Variants in SDK1 observed in about 807,000 individuals in gnomAD.
SDK1 encodes sidekick cell adhesion molecule 1.
In SDK1, 157 loss-of-function variants were observed where a neutral mutation model predicts 245.5. The ratio of observed to expected loss-of-function variants is 0.64; its 90% CI spans 0.56 to 0.73. The LOEUF (loss-of-function observed/expected upper bound fraction) is 0.73, where lower values mean the gene tolerates loss of function less well. Ranked by LOEUF, SDK1 falls within the 30% of genes least tolerant of loss-of-function variation. The pLI is 0.00. For missense variants in SDK1, 3,583 were observed against 3,002.3 expected, an observed-to-expected ratio of 1.19 and a Z score of -4.52; for synonymous variants, 1,647 against 1,278.5, an observed-to-expected ratio of 1.29 and a Z score of -6.15.
chr7:3,444,772 A>T (rs1448207516), intron 1 of SDK1, among the ~76,000 whole-genome samples: 1 of 152,198 alleles, frequency 6.6e-6, no homozygotes, highest in African/African-American at 2.4e-5. Flanking sequence ...AGTTTTATCT[A>T]AAGTGATGTT....
intron 1 of SDK1, among the ~76,000 whole-genome samples, chr7:3,532,615 G>A (rs1372916933): frequency 1.3e-5 from 2 of 152,156 alleles, no homozygotes; most frequent in East Asian, 1.9e-4. Flanking sequence ...TAACTGTCAT[G>A]TTAACTCCAG....
rs886319432 is a variant in SDK1, at chr7:3,841,725, G to C, written c.847+20142G>C. ...TTATAGGTGCCCGCCACCATGCCTG[G>C]CTAATTTTTGTATTCTTAATAGAGA... On this transcript the variant is annotated intron_variant, in intron 5 of 44. Transcript: ENST00000404826. Among the ~76,000 whole-genome samples, 8 of 151,966 alleles carry C rather than the reference G, an allele frequency of 5.3e-5. 1 individual carries two copies. The highest frequency in any genetic ancestry group is 5.2e-4 in the Admixed American group (8 of 15,252).
At chr7:3,754,081 G>A (rs956209929) in intron 4 of SDK1, among the ~76,000 whole-genome samples, 7 of 152,194 alleles carry the variant, frequency 4.6e-5, no homozygotes, top group Non-Finnish European at 8.8e-5. Flanking sequence ...TGTAAAAGAT[G>A]TTTTAGATTA....
intron 22 of SDK1, among the ~76,000 whole-genome samples, chr7:4,087,108 G>A (rs1048533963): frequency 1.3e-5 from 2 of 151,782 alleles, no homozygotes; most frequent in African/African-American, 4.8e-5. Context: ...AGGCAGAAAG[G>A]TTTTCCCCAC....
intron 1 of SDK1, among the ~76,000 whole-genome samples, chr7:3,571,008 C>T (rs920718298): frequency 2.5e-4 from 38 of 152,028 alleles, no homozygotes; most frequent in African/African-American, 8.9e-4. Flanking sequence ...TACATTTTCT[C>T]ACAGAGCTAA....
chr7:3,799,728 C>G (rs559924731), intron 4 of SDK1, among the ~76,000 whole-genome samples: 6 of 150,608 alleles, frequency 4.0e-5, no homozygotes, highest in East Asian at 3.9e-4. Flanking sequence ...AAAAAATGAC[C>G]TCGTTTATCC....
chr7:3,376,619 C>G (rs1562449496), intron 1 of SDK1, among the ~76,000 whole-genome samples: 1 of 152,154 alleles, frequency 6.6e-6, no homozygotes, highest in Admixed American at 6.5e-5. Context: ...TAAAGAGATT[C>G]CTTGATTGGC....
chr7:3,997,306 C>A (rs1596391), intron 14 of SDK1, among the ~76,000 whole-genome samples: 69,781 of 151,964 alleles, frequency 0.46, 18,539 homozygotes, highest in African/African-American at 0.75. Context: ...ATTGAGTGTC[C>A]GGACAGCCCA....
intron 1 of SDK1, among the ~76,000 whole-genome samples, chr7:3,331,624 T>G (rs1490790990): frequency 6.6e-6 from 1 of 152,244 alleles, no homozygotes; most frequent in African/African-American, 2.4e-5. Flanking sequence ...AATTCTGATG[T>G]CCACTTTATC....
chr7:3,357,344 T>G lies in SDK1; in HGVS notation c.298+55460T>G, dbSNP rs1386522519. Among the ~76,000 whole-genome samples the G allele has an allele frequency of 5.4e-5, 5 of 92,488 alleles. No homozygotes were observed. The South Asian group carries it at 2.4e-3, about 45-fold the overall frequency. 60.7% of individuals were successfully genotyped at this position (92,488 alleles called of 152,430 possible). Reference sequence around the variant, plus strand: ...TCTTTTAGTGTTTTTTTTTTTTTTTTTTTTTTTTTTTTTTTTTTTTTTTGA... The same window carrying G: ...TCTTTTAGTGTTTTTTTTTTTTTTTGTTTTTTTTTTTTTTTTTTTTTTTGA... On this transcript the variant is annotated intron_variant, in intron 1 of 44. Transcript: ENST00000404826.
intron 5 of SDK1, among the ~76,000 whole-genome samples, chr7:3,865,266 T>C (rs1444814684): frequency 3.3e-5 from 5 of 152,068 alleles, no homozygotes; most frequent in Non-Finnish European, 7.4e-5. Flanking sequence ...GTGATCCTCC[T>C]GAAGAAGTGA....
rs564590153 is a variant in SDK1, at chr7:3,540,355, C to T, written c.299-78725C>T. ...CTGGGAGGCAGAGGTTGCAGTGGGC[C>T]GAAATTGCCCCACTTTACTGCAGTC... On this transcript the variant is annotated intron_variant, in intron 1 of 44. Coordinates refer to ENST00000404826, the MANE Select transcript of SDK1 (RefSeq NM_152744.4). Among the ~76,000 whole-genome samples, 10 of 152,202 alleles carry T rather than the reference C, an allele frequency of 6.6e-5. No homozygotes were observed. In the South Asian group the frequency reaches 1.7e-3, roughly 25 times the overall value.
At chr7:3,672,431 C>G (rs1427213114) in intron 4 of SDK1, among the ~76,000 whole-genome samples, 1 of 150,926 alleles carries the variant, frequency 6.6e-6, no homozygotes, top group Admixed American at 6.6e-5. Context: ...CTACTGCAAA[C>G]TCTTGAGGAA....
chr7:4,228,929 C>G (rs1583126255), intron 40 of SDK1, among the ~76,000 whole-genome samples: 1 of 152,150 alleles, frequency 6.6e-6, no homozygotes, highest in Non-Finnish European at 1.5e-5. Flanking sequence ...TGACCCTAGC[C>G]TGGGTGATTG....
At chr7:4,234,534 A>T (rs1038038464) in intron 41 of SDK1, among the ~76,000 whole-genome samples, 32 of 152,204 alleles carry the variant, frequency 2.1e-4, no homozygotes, top group African/African-American at 7.7e-4. Context: ...GCGGAGAAAA[A>T]GTCCTGGTCA....
chr7:4,238,231 C>T (rs1332290366), intron 42 of SDK1, among the ~76,000 whole-genome samples: 1 of 152,080 alleles, frequency 6.6e-6, no homozygotes, highest in Non-Finnish European at 1.5e-5. Context: ...AGGCGCCTGC[C>T]ACTACGCCCG....
At chr7:4,011,306 C>T (rs1785942907) in intron 15 of SDK1, among the ~76,000 whole-genome samples, 193 bp downstream of exon 15, 1 of 152,244 alleles carries the variant, frequency 6.6e-6, no homozygotes, top group Non-Finnish European at 1.5e-5. Flanking sequence ...GCTGGGCCTT[C>T]CTTCATTGCT....
chr7:3,319,115 C>T (rs772264625), intron 1 of SDK1, among the ~76,000 whole-genome samples: 7 of 152,024 alleles, frequency 4.6e-5, no homozygotes, highest in Non-Finnish European at 7.4e-5. Flanking sequence ...TGGGGCCTCA[C>T]GGAGAATGAA....
At chr7:3,336,959 C>G (rs913946793) in intron 1 of SDK1, among the ~76,000 whole-genome samples, 5 of 152,234 alleles carry the variant, frequency 3.3e-5, no homozygotes, top group African/African-American at 1.2e-4. Context: ...AAGCTGCCCA[C>G]TAAAAGATTA....
Sources: allele counts gnomAD v4.1 joint callset (sites outside exome capture counted in the v4.1 genomes callset), GRCh38; gene constraint gnomAD v4.1.1; transcripts MANE v1.5; gene names NCBI Gene and HGNC (gene_info 2026-07-23, HGNC 2026-07-21).